PCDHA5: variants seen among roughly 807,000 people sequenced by gnomAD.
PCDHA5 encodes the protein protocadherin alpha-5.
In PCDHA5, 43 loss-of-function variants were observed where a neutral mutation model predicts 61.6. The observed-to-expected ratio is 0.70, with a 90% CI of 0.55 to 0.90. The LOEUF (loss-of-function observed/expected upper bound fraction) is 0.90. Among genes scored for constraint, PCDHA5 ranks in the 40% least tolerant of loss-of-function variants. The pLI, the probability that PCDHA5 is intolerant of heterozygous loss-of-function variation, is 0.00. For synonymous variants in PCDHA5, 627 were observed against 543.9 expected, an observed-to-expected ratio of 1.15 and a Z score of -2.13; for missense variants, 1,298 against 1,222.7, an observed-to-expected ratio of 1.06 and a Z score of -0.92.
chr5:140,905,154 A>C (rs2071632233), intron 1 of PCDHA5, among the ~76,000 whole-genome samples: 1 of 152,040 alleles, frequency 6.6e-6, no homozygotes, highest in Admixed American at 6.6e-5. Context: ...ATATTTTAGA[A>C]TTTTCATGGT....
At chr5:140,866,122 C>T (rs556292123) in intron 1 of PCDHA5, 1 of 152,178 alleles carries the variant, frequency 6.6e-6, no homozygotes, top group East Asian at 1.9e-4. Flanking sequence ...CTTATAAGAA[C>T]TACGTATCTG....
At position 140,840,716 on chromosome 5, in the gene PCDHA5, GAATA is replaced by G. The variant is rs1444091534; in HGVS notation, c.2352+16592_2352+16595del. 3.2e-4 allele frequency among the ~76,000 whole-genome samples: 48 copies of G among 151,992 alleles called. 1 individual carries two copies. Among genetic ancestry groups the G allele is most frequent in the Non-Finnish European group, 1.5e-5 (1 of 67,982 alleles). ...CGGTTCAGGCAATTTGACATTTATT[GAATA>G]AAGAAAAGCAAAAATTTAACAATAA... On this transcript the variant is annotated intron_variant, in intron 1 of 3. Coordinates refer to ENST00000529859, the MANE Select transcript of PCDHA5 (RefSeq NM_018908.3).
At position 140,824,341 on chromosome 5, in the gene PCDHA5, TAAAATAA is replaced by T. The variant is rs1352214972; in HGVS notation, c.2352+215_2352+221del. ...AGCTTTCTGTGATATTAAGTGTTTTTAAAATAATATTTTATATTAGCATTTGAATTTT... is the reference window on the plus strand; with the variant it reads ...AGCTTTCTGTGATATTAAGTGTTTTTTATTTTATATTAGCATTTGAATTTT... On this transcript the variant is annotated intron_variant, in intron 1 of 3. Transcript: ENST00000529859. 8.2e-6 allele frequency: 5 copies of T among 607,692 alleles called. No homozygotes were observed. In the African/African-American group the frequency reaches 9.4e-5, roughly 11 times the overall value. The allele number at this position is 607,692 out of a possible 1,614,324, so 37.6% of individuals were successfully genotyped here.
chr5:140,917,058 C>T (rs1028478613), intron 1 of PCDHA5, among the ~76,000 whole-genome samples: 4 of 152,072 alleles, frequency 2.6e-5, no homozygotes, highest in Non-Finnish European at 5.9e-5. Context: ...TTCCCTGCTA[C>T]GACAGCACCG....
intron 1 of PCDHA5, chr5:140,834,591 T>C: frequency 1.2e-6 from 2 of 1,614,048 alleles, no homozygotes; most frequent in Non-Finnish European, 1.7e-6. Flanking sequence ...GGTGTGCAAA[T>C]TCCGTGGGGA....
chr5:140,940,790 A>G (rs1337945408), intron 1 of PCDHA5, among the ~76,000 whole-genome samples: 3 of 152,176 alleles, frequency 2.0e-5, no homozygotes, highest in African/African-American at 7.2e-5. Context: ...TATCCTGAAA[A>G]TGATATTTGC....
chr5:140,881,538 C>A (rs879991805), intron 1 of PCDHA5, among the ~76,000 whole-genome samples: 1 of 152,196 alleles, frequency 6.6e-6, no homozygotes, highest in Middle Eastern at 3.2e-3. Flanking sequence ...TGACTGAACA[C>A]TTTCTTTTGA....
intron 1 of PCDHA5, among the ~76,000 whole-genome samples, chr5:140,947,932 T>G (rs1444320082): frequency 1.3e-5 from 2 of 151,584 alleles, no homozygotes; most frequent in African/African-American, 4.8e-5. Flanking sequence ...CCTGATCTTA[T>G]GAGAAAAGTG....
chr5:140,869,853 C>A (rs1408875478), intron 1 of PCDHA5: 1 of 1,610,606 alleles, frequency 6.2e-7, no homozygotes, highest in Admixed American at 1.7e-5. Context: ...ATAAGGTGAG[C>A]CTTATGGAAA....
chr5:140,856,074 G>A, intron 1 of PCDHA5: 1 of 1,592,254 alleles, frequency 6.3e-7, no homozygotes, highest in Non-Finnish European at 8.6e-7. Context: ...AGCTGCCTGG[G>A]GGTCCAGTGT....
intron 1 of PCDHA5, chr5:140,875,924 A>C (rs782181544): frequency 6.2e-7 from 1 of 1,614,054 alleles, no homozygotes; most frequent in Non-Finnish European, 8.5e-7. Context: ...CTGGACTCTC[A>C]TTTTCCTCTA....
At chr5:140,933,220 T>G (rs1179526168) in intron 1 of PCDHA5, among the ~76,000 whole-genome samples, 3 of 151,968 alleles carry the variant, frequency 2.0e-5, no homozygotes, top group African/African-American at 7.2e-5. Flanking sequence ...TCTGTTATAT[T>G]GCATTTATGA....
intron 1 of PCDHA5, chr5:140,847,497 A>G (rs1331989915): frequency 3.3e-5 from 5 of 149,972 alleles, no homozygotes; most frequent in African/African-American, 1.2e-4. Context: ...AAAACTCACA[A>G]CAAAACTTTG....
intron 1 of PCDHA5, among the ~76,000 whole-genome samples, chr5:140,826,922 A>T (rs910520079): frequency 6.6e-6 from 1 of 152,170 alleles, no homozygotes; most frequent in Non-Finnish European, 1.5e-5. Flanking sequence ...TGAAAGACAG[A>T]TGGACTTAGG....
intron 1 of PCDHA5, among the ~76,000 whole-genome samples, chr5:140,901,318 T>A (rs1337437902): frequency 6.6e-6 from 1 of 152,202 alleles, no homozygotes; most frequent in African/African-American, 2.4e-5. Flanking sequence ...TTCCCCAATG[T>A]TTTCTTGTAG....
At chr5:140,932,323 C>T (rs1259103502) in intron 1 of PCDHA5, among the ~76,000 whole-genome samples, 1 of 151,814 alleles carries the variant, frequency 6.6e-6, no homozygotes, top group Non-Finnish European at 1.5e-5. Flanking sequence ...ATTAATGTAG[C>T]AAAAATGCAT....
chr5:140,968,118 C>T (rs141928119), intron 1 of PCDHA5: 717 of 1,614,170 alleles, frequency 4.4e-4, no homozygotes, highest in Middle Eastern at 2.3e-3. Context: ...CAGCTCACAT[C>T]CCTGCGTACA....
chr5:140,904,589 G>A (rs1562945664), intron 1 of PCDHA5, among the ~76,000 whole-genome samples: 1 of 151,976 alleles, frequency 6.6e-6, no homozygotes, highest in Non-Finnish European at 1.5e-5. Flanking sequence ...CCAGTAGTGG[G>A]ACTGCTGGAT....
intron 1 of PCDHA5, chr5:140,843,571 C>G: frequency 1.3e-6 from 2 of 1,595,974 alleles, no homozygotes; most frequent in Non-Finnish European, 1.7e-6. Context: ...GCTGGTCATA[C>G]TCGCAACAAC....
Sources: allele counts gnomAD v4.1 joint callset (sites outside exome capture counted in the v4.1 genomes callset), GRCh38; gene constraint gnomAD v4.1.1; transcripts MANE v1.5; gene names NCBI Gene and HGNC (gene_info 2026-07-23, HGNC 2026-07-21).